The following FHOD3 variants were observed in gnomAD, a reference collection of about 807,000 sequenced individuals.
FHOD3 encodes the protein FH1/FH2 domain-containing protein 3.
FHOD3 carries 90 observed loss-of-function variants against 173.0 expected under a neutral mutation model. The ratio of observed to expected loss-of-function variants is 0.52; its 90% confidence interval spans 0.44 to 0.62. The LOEUF (loss-of-function observed/expected upper bound fraction) is 0.62. Ranked by LOEUF, FHOD3 falls within the 20% of genes least tolerant of loss-of-function variation. The probability of loss-of-function intolerance (pLI) is 0.00; values close to 1 mark genes in which losing one functional copy is unlikely to be tolerated. For synonymous variants in FHOD3, 828 were observed against 823.0 expected, an observed-to-expected ratio of 1.01 and a Z score of -0.10; for missense variants, 1,945 against 2,034.7, an observed-to-expected ratio of 0.96 and a Z score of 0.85.
chr18:36,337,564 TG>T (rs1470862431), intron 1 of FHOD3, among the ~76,000 whole-genome samples: 8 of 152,218 alleles, frequency 5.3e-5, no homozygotes, highest in Non-Finnish European at 8.8e-5. Flanking sequence ...TTCAGCATCC[TG>T]GAGCTCCAGG....
chr18:36,574,351 T>A (rs2058568486), intron 5 of FHOD3, among the ~76,000 whole-genome samples: 1 of 152,212 alleles, frequency 6.6e-6, no homozygotes, highest in East Asian at 1.9e-4. Context: ...ATTTGTTTTA[T>A]TATAGTGAGA....
At chr18:36,680,038 ATAG>A (rs2038133075) in intron 14 of FHOD3, among the ~76,000 whole-genome samples, 1 of 152,222 alleles carries the variant, frequency 6.6e-6, no homozygotes, top group Non-Finnish European at 1.5e-5. Flanking sequence ...CAAAATAATA[ATAG>A]CTTACAAAAG....
intron 28 of FHOD3, among the ~76,000 whole-genome samples, chr18:36,772,327 G>C (rs1349463728): frequency 6.6e-6 from 1 of 152,234 alleles, no homozygotes; most frequent in Non-Finnish European, 1.5e-5. Flanking sequence ...GCTTTTCACA[G>C]AGGTTAAAGG....
intron 3 of FHOD3, among the ~76,000 whole-genome samples, chr18:36,391,302 G>A (rs2048288715): frequency 6.6e-6 from 1 of 152,184 alleles, no homozygotes. Flanking sequence ...ATGGAACAGG[G>A]AGAGGCCATT....
At chr18:36,431,067 T>C (rs1051603165) in intron 3 of FHOD3, among the ~76,000 whole-genome samples, 1 of 152,238 alleles carries the variant, frequency 6.6e-6, no homozygotes, top group South Asian at 2.1e-4. Flanking sequence ...AGTTGAGATC[T>C]TGATAAATTG....
At chr18:36,444,396 C>T (rs762423331) in intron 3 of FHOD3, among the ~76,000 whole-genome samples, 1 of 151,828 alleles carries the variant, frequency 6.6e-6, no homozygotes, top group African/African-American at 2.4e-5. Context: ...CTCCTCATAT[C>T]CTGGTTGATT....
intron 10 of FHOD3, among the ~76,000 whole-genome samples, chr18:36,632,828 CT>C (rs2034612402): frequency 6.6e-6 from 1 of 152,136 alleles, no homozygotes; most frequent in African/African-American, 2.4e-5. Flanking sequence ...AAGAATTTGT[CT>C]GAGGGGCAAA....
At chr18:36,627,807 C>G (rs1176112636) in intron 10 of FHOD3, among the ~76,000 whole-genome samples, 1 of 152,170 alleles carries the variant, frequency 6.6e-6, no homozygotes, top group African/African-American at 2.4e-5. Context: ...TTTCTTCCTG[C>G]ATAGCTTAGT....
At chr18:36,704,625 T>C (rs941378839) in intron 17 of FHOD3, among the ~76,000 whole-genome samples, 1 of 152,200 alleles carries the variant, frequency 6.6e-6, no homozygotes, top group Non-Finnish European at 1.5e-5. Flanking sequence ...CATTACATGC[T>C]GGGGAAGGGA....
chr18:36,526,049 T>A (rs2056496558), intron 5 of FHOD3, among the ~76,000 whole-genome samples: 1 of 152,250 alleles, frequency 6.6e-6, no homozygotes, highest in African/African-American at 2.4e-5. Context: ...CCACCCTTGC[T>A]CTTCTTCAGA....
intron 24 of FHOD3, among the ~76,000 whole-genome samples, chr18:36,748,467 T>C (rs899155080): frequency 6.6e-6 from 1 of 151,960 alleles, no homozygotes; most frequent in African/African-American, 2.4e-5. Context: ...TGGAGTAATT[T>C]TATGAATGTC....
chr18:36,332,346 T>C (rs2045062238), intron 1 of FHOD3, among the ~76,000 whole-genome samples: 1 of 152,160 alleles, frequency 6.6e-6, no homozygotes, highest in Non-Finnish European at 1.5e-5. Context: ...CTGGCTCTCC[T>C]TGCAAGGCTT....
At position 36,769,228 on chromosome 18, in the gene FHOD3, C is replaced by G. The variant is rs746968244; in HGVS notation, c.4625-37C>G. On this transcript the variant is annotated intron_variant, in intron 27 of 28. Transcript: ENST00000590592. ...TGCATATATCTTTTGTGTTTTCCTT[C>G]TGAGTATGTTGTGCACTCTGGCTGT... 11 of 1,604,652 alleles carry G rather than the reference C, an allele frequency of 6.9e-6. No homozygotes were observed. The South Asian group carries it at 1.0e-4, about 15-fold the overall frequency.
At chr18:36,363,438 A>C (rs1324322335) in intron 2 of FHOD3, among the ~76,000 whole-genome samples, 1 of 152,248 alleles carries the variant, frequency 6.6e-6, no homozygotes, top group Non-Finnish European at 1.5e-5. Flanking sequence ...GTATTTGTCC[A>C]TACCATGAAA....
At chr18:36,553,927 C>A (rs550165911) in intron 5 of FHOD3, among the ~76,000 whole-genome samples, 7 of 152,138 alleles carry the variant, frequency 4.6e-5, no homozygotes, top group Non-Finnish European at 1.0e-4. Flanking sequence ...CAAATCAAAA[C>A]CACAACAAGA....
rs766704398 is a variant in FHOD3, at chr18:36,664,814, G to GAGAGAT, written c.1835+6627_1835+6628insGAGATA. Among the ~76,000 whole-genome samples the GAGAGAT allele has an allele frequency of 4.7e-3, 685 of 146,850 alleles. 3 individuals carry two copies. Among genetic ancestry groups the GAGAGAT allele is most frequent in the Non-Finnish European group, 6.0e-3 (403 of 66,696 alleles). On this transcript the variant is annotated intron_variant, in intron 14 of 28. Coordinates refer to ENST00000590592, the MANE Select transcript of FHOD3 (RefSeq NM_001281740.3). Reference sequence around the variant, plus strand: ...AGAGAGAGAGAGAGAGAGAGAGAGAGATTGAGATTGAGATTTCTCCTTCAG... The same window carrying GAGAGAT: ...AGAGAGAGAGAGAGAGAGAGAGAGAGAGAGATATTGAGATTGAGATTTCTCCTTCAG...
chr18:36,649,347 A>C lies in FHOD3; in HGVS notation c.1228A>C (p.Thr410Pro), dbSNP rs1414666458. The C allele has an allele frequency of 6.5e-7, 1 of 1,535,678 alleles. No individual in the cohort carries two copies. Among genetic ancestry groups the C allele is most frequent in the African/African-American group, 1.4e-5 (1 of 72,934 alleles). Residue 410 changes from threonine (T) to proline (P), a missense_variant, in exon 11 of 29, where the codon ACG (threonine) becomes CCG (proline). Transcript: ENST00000590592. ...GGAGGAGGAAGAGGAGCAGCCAATC[A>C]CGGAGCCCAGTTCCGAAGAAGAGAG... Reference protein sequence around the residue: ...EEEEEEEQPITEPSSEEERED... With the variant: ...EEEEEEEQPIPEPSSEEERED...
At chr18:36,642,775 T>C (rs2035421185) in intron 10 of FHOD3, among the ~76,000 whole-genome samples, 1 of 152,082 alleles carries the variant, frequency 6.6e-6, no homozygotes, top group African/African-American at 2.4e-5. Flanking sequence ...AAGCAAGGTG[T>C]TACTTCTAAC....
In FHOD3 at chr18:36,512,551, A is replaced by G; in HGVS notation, c.511+8A>G. The G allele has an allele frequency of 1.3e-6, 2 of 1,596,782 alleles. No homozygotes were observed. Among genetic ancestry groups the G allele is most frequent in the Non-Finnish European group, 1.7e-6 (2 of 1,164,706 alleles). On this transcript the variant is annotated splice_region_variant and intron_variant, in intron 5 of 28. Coordinates refer to ENST00000590592, the MANE Select transcript of FHOD3 (RefSeq NM_001281740.3). ...AGAACTACATCTTAAGGGGTAAGTC[A>G]TGACTGGGCATGCAGCAGCTGCCCC...
Sources: gnomAD v4.1 joint callset for allele counts (sites outside exome capture counted in the v4.1 genomes callset) on GRCh38, gnomAD v4.1.1 for gene constraint, MANE v1.5 for transcripts, NCBI Gene and HGNC (gene_info 2026-07-23, HGNC 2026-07-21) for gene names.